The following GRIA1 variants were observed in gnomAD, a reference collection of about 807,000 sequenced individuals.
GRIA1 encodes the protein glutamate ionotropic receptor AMPA type subunit 1, also known as glutamate receptor 1.
In GRIA1, 31 loss-of-function variants were observed where a neutral mutation model predicts 99.2. The ratio of observed to expected loss-of-function variants is 0.31; its 90% CI spans 0.23 to 0.42. The LOEUF (loss-of-function observed/expected upper bound fraction) is 0.42, where lower values mean the gene tolerates loss of function less well. GRIA1 is among the 10% of genes least tolerant of loss of function. The pLI is 1.00. For missense variants in GRIA1, 782 were observed against 1,157.5 expected (o/e 0.68, Z 4.71); for synonymous variants, 438 against 432.4 (o/e 1.01, Z -0.16).
chr5:153,736,814 C>A (rs1761410223), intron 11 of GRIA1, among the ~76,000 whole-genome samples: 1 of 152,126 alleles, frequency 6.6e-6, no homozygotes, highest in Non-Finnish European at 1.5e-5. Context: ...ACGCTCTAAT[C>A]CTACATCAAT....
chr5:153,760,956 C>G (rs1581611278), intron 11 of GRIA1, among the ~76,000 whole-genome samples: 1 of 152,200 alleles, frequency 6.6e-6, no homozygotes, highest in East Asian at 1.9e-4. Flanking sequence ...ATAAATGGTG[C>G]TGGGAAAATT....
intron 2 of GRIA1, among the ~76,000 whole-genome samples, chr5:153,526,009 G>A (rs1757560824): frequency 1.3e-5 from 2 of 152,184 alleles, no homozygotes; most frequent in Admixed American, 6.5e-5. Flanking sequence ...AACTACTCCT[G>A]TGGAAATTAA....
At chr5:153,761,532 G>A (rs1581612201) in intron 11 of GRIA1, among the ~76,000 whole-genome samples, 1 of 152,126 alleles carries the variant, frequency 6.6e-6, no homozygotes, top group African/African-American at 2.4e-5. Flanking sequence ...TGCTAGCAAG[G>A]GTGTGAGGAA....
chr5:153,766,993 C>T (rs1049325444), intron 12 of GRIA1, among the ~76,000 whole-genome samples: 4 of 152,176 alleles, frequency 2.6e-5, no homozygotes, highest in African/African-American at 9.7e-5. Flanking sequence ...CTTACTTTGA[C>T]AGGTCAGTAG....
intron 11 of GRIA1, among the ~76,000 whole-genome samples, chr5:153,715,271 C>T (rs1362122681): frequency 1.3e-5 from 2 of 151,972 alleles, no homozygotes; most frequent in Admixed American, 6.6e-5. Flanking sequence ...CTCCCAGCTC[C>T]ATGCTCCCAT....
intron 2 of GRIA1, among the ~76,000 whole-genome samples, chr5:153,627,705 C>T (rs1192885408): frequency 6.6e-6 from 1 of 152,104 alleles, no homozygotes; most frequent in African/African-American, 2.4e-5. Context: ...TATGCCCCCA[C>T]CTCCCCAGTT....
Position 153,792,401 on chromosome 5 carries a change from A to T in GRIA1, c.2271-2220A>T, listed in dbSNP as rs185643299. ...TCTTATAGTTCACAGCAAAAATGAG[A>T]ATTAGAACCTTGGGAACCCCAACCT... is the stretch of plus-strand genomic sequence containing the variant. On this transcript the variant is annotated intron_variant, in intron 13 of 15. Transcript: ENST00000285900. Among the ~76,000 whole-genome samples the T allele has an allele frequency of 2.5e-3, 387 of 152,272 alleles. 3 individuals are homozygous for T. The highest frequency in any genetic ancestry group is 8.9e-3 in the African/African-American group (370 of 41,560).
At chr5:153,513,645 GTT>G (rs201908645) in intron 2 of GRIA1, among the ~76,000 whole-genome samples, 2,307 of 152,194 alleles carry the variant, frequency 0.015, 24 homozygotes, top group Non-Finnish European at 0.023. Flanking sequence ...TCTGTTCTTT[GTT>G]TCAGTTTCCC....
intron 2 of GRIA1, among the ~76,000 whole-genome samples, chr5:153,496,883 G>T (rs1383337339): frequency 6.7e-6 from 1 of 149,602 alleles, no homozygotes; most frequent in Non-Finnish European, 1.5e-5. Flanking sequence ...AATTTTATTT[G>T]TTTTTTTTTC....
intron 11 of GRIA1, among the ~76,000 whole-genome samples, chr5:153,756,911 A>G (rs934167655): frequency 6.6e-6 from 1 of 152,224 alleles, no homozygotes; most frequent in East Asian, 1.9e-4. Context: ...AGATTGACAT[A>G]CATCCACAAG....
chr5:153,777,127 C>T (rs1290099165), intron 13 of GRIA1, among the ~76,000 whole-genome samples: 22 of 152,144 alleles, frequency 1.4e-4, no homozygotes, highest in Non-Finnish European at 1.5e-5. Flanking sequence ...GACTCTAATC[C>T]TTGAGACTTC....
intron 10 of GRIA1, 107 bp from the exon 11 acceptor site, chr5:153,705,589 CT>C: frequency 7.3e-7 from 1 of 1,377,984 alleles, no homozygotes; most frequent in South Asian, 1.6e-5. Flanking sequence ...CTCTCATATC[CT>C]TTAAGACACA....
intron 11 of GRIA1, among the ~76,000 whole-genome samples, chr5:153,749,437 G>A (rs370880528): frequency 1.7e-4 from 26 of 152,172 alleles, no homozygotes; most frequent in African/African-American, 6.3e-4. Flanking sequence ...CATGGTGCCA[G>A]CATCTGCTTC....
intron 14 of GRIA1, among the ~76,000 whole-genome samples, chr5:153,798,659 C>A (rs114742835): frequency 6.6e-6 from 1 of 152,196 alleles, no homozygotes; most frequent in Non-Finnish European, 1.5e-5. Flanking sequence ...ACTGGTCTGA[C>A]GGCCAAAAGC....
chr5:153,628,727 T>C (rs1330472231), intron 2 of GRIA1, among the ~76,000 whole-genome samples: 1 of 152,242 alleles, frequency 6.6e-6, no homozygotes, highest in Non-Finnish European at 1.5e-5. Flanking sequence ...TTTTTGTTTT[T>C]GATTTGTTTG....
intron 2 of GRIA1, among the ~76,000 whole-genome samples, chr5:153,585,303 T>C (rs1158417418): frequency 3.3e-4 from 21 of 63,400 alleles, no homozygotes; most frequent in Non-Finnish European, 8.9e-4. Context: ...CTCTCTCTTT[T>C]TTTTTTTTTT....
rs748719211 is a variant in GRIA1, at chr5:153,650,489, A to T, written c.620A>T (p.Glu207Val). Reference sequence around the variant, plus strand: ...CTGGTGGTGGTGGACTGTGAATCAGAACGCCTCAATGCTATCTTGGGCCAG... The same window carrying T: ...CTGGTGGTGGTGGACTGTGAATCAGTACGCCTCAATGCTATCTTGGGCCAG... ...ERLVVVDCES[E>V]RLNAILGQII... Residue 207 changes from glutamate (E) to valine (V), a missense_variant, in exon 4 of 16, where the codon GAA becomes GTA. Transcript: ENST00000285900. 9 of 1,613,778 alleles carry T rather than the reference A, an allele frequency of 5.6e-6. No homozygotes were observed. In the Admixed American group the frequency reaches 1.5e-4, roughly 27 times the overall value.
At chr5:153,736,158 G>A (rs1424876731) in intron 11 of GRIA1, among the ~76,000 whole-genome samples, 2 of 152,156 alleles carry the variant, frequency 1.3e-5, no homozygotes. Flanking sequence ...GGACTGAGAA[G>A]GAGCAGCCAG....
chr5:153,618,729 G>A (rs1041100664), intron 2 of GRIA1, among the ~76,000 whole-genome samples: 14 of 152,136 alleles, frequency 9.2e-5, no homozygotes, highest in African/African-American at 3.4e-4. Context: ...CCTGCTATGA[G>A]CCAGGATTCA....
Sources: allele counts gnomAD v4.1 joint callset (sites outside exome capture counted in the v4.1 genomes callset), GRCh38; gene constraint gnomAD v4.1.1; transcripts MANE v1.5; gene names NCBI Gene and HGNC (gene_info 2026-07-23, HGNC 2026-07-21).